NDST4: variants seen among roughly 807,000 people sequenced by gnomAD.
NDST4 encodes the protein N-heparan sulfate sulfotransferase 4.
Under a neutral mutation model 100.8 loss-of-function variants are expected in NDST4, and 63 were observed. The observed-to-expected ratio is 0.62, with a 90% confidence interval of 0.51 to 0.77. NDST4 has a LOEUF of 0.77. Ranked by LOEUF, NDST4 falls within the 30% of genes least tolerant of loss-of-function variation. The probability of loss-of-function intolerance (pLI) is 0.00; values close to 1 mark genes in which losing one functional copy is unlikely to be tolerated. For synonymous variants in NDST4, 377 were observed against 361.8 expected, an observed-to-expected ratio of 1.04 and a Z score of -0.48; for missense variants, 943 against 1,018.4, an observed-to-expected ratio of 0.93 and a Z score of 1.01.
At chr4:115,093,202 G>A (rs1729552129) in intron 1 of NDST4, among the ~76,000 whole-genome samples, 1 of 152,110 alleles carries the variant, frequency 6.6e-6, no homozygotes, top group African/African-American at 2.4e-5. Flanking sequence ...GAACATTAGA[G>A]CGGTGGCTCA....
At chr4:115,112,972 ATGC>A (rs1275659773) in intron 1 of NDST4, among the ~76,000 whole-genome samples, 2 of 151,966 alleles carry the variant, frequency 1.3e-5, no homozygotes, top group Non-Finnish European at 2.9e-5. Flanking sequence ...AGTACAGAGC[ATGC>A]CTATAAATCT....
At chr4:115,048,455 A>C (rs1728510931) in intron 2 of NDST4, among the ~76,000 whole-genome samples, 1 of 152,172 alleles carries the variant, frequency 6.6e-6, no homozygotes, top group Non-Finnish European at 1.5e-5. Flanking sequence ...AAAACATTTT[A>C]TGTTTACTAA....
chr4:115,013,892 C>G (rs114374930), intron 2 of NDST4, among the ~76,000 whole-genome samples: 1 of 151,982 alleles, frequency 6.6e-6, no homozygotes. Flanking sequence ...AGATTAGTTT[C>G]ACTATCAAGA....
intron 2 of NDST4, among the ~76,000 whole-genome samples, chr4:115,001,419 C>T (rs932710772): frequency 6.6e-6 from 1 of 151,922 alleles, no homozygotes; most frequent in African/African-American, 2.4e-5. Context: ...AGTTTCCCCA[C>T]CTAGACTATC....
chr4:115,014,981 C>T (rs556673051), intron 2 of NDST4, among the ~76,000 whole-genome samples: 2 of 152,130 alleles, frequency 1.3e-5, no homozygotes, highest in African/African-American at 4.8e-5. Flanking sequence ...AAAGTCTAAC[C>T]TGGATTATAA....
intron 2 of NDST4, among the ~76,000 whole-genome samples, chr4:115,060,263 A>G (rs1170638722): frequency 3.3e-5 from 5 of 151,674 alleles, no homozygotes. Context: ...AGGGTGAGCA[A>G]CTCTCAGCAG....
chr4:114,970,660 G>T, intron 3 of NDST4, 76 bp from the exon 4 acceptor site: 3 of 1,317,228 alleles, frequency 2.3e-6, no homozygotes, highest in South Asian at 1.5e-5. Flanking sequence ...TCAGATTTAT[G>T]TTAATTTTTC....
intron 2 of NDST4, among the ~76,000 whole-genome samples, chr4:115,042,650 T>C (rs10008694): frequency 6.6e-6 from 1 of 152,034 alleles, no homozygotes; most frequent in Non-Finnish European, 1.5e-5. Context: ...GTAGTATATA[T>C]AGAGAGAGTT....
chr4:114,848,429 T>C (rs921105248), intron 8 of NDST4, 91 bp from the exon 9 acceptor site: 3 of 997,790 alleles, frequency 3.0e-6, no homozygotes, highest in Non-Finnish European at 4.4e-6. Flanking sequence ...AATATTAAAA[T>C]AATCAACTAT....
chr4:114,902,976 T>C (rs1276020604), intron 6 of NDST4, among the ~76,000 whole-genome samples: 1 of 152,096 alleles, frequency 6.6e-6, no homozygotes. Flanking sequence ...TTACATTGCC[T>C]ATATGTTCTT....
At chr4:114,985,773 G>A (rs1051177860) in intron 2 of NDST4, among the ~76,000 whole-genome samples, 1 of 152,134 alleles carries the variant, frequency 6.6e-6, no homozygotes, top group African/African-American at 2.4e-5. Context: ...GAAACACAAA[G>A]TATCAGTATC....
intron 2 of NDST4, among the ~76,000 whole-genome samples, chr4:115,060,209 G>A (rs1233555639): frequency 2.0e-5 from 3 of 151,894 alleles, no homozygotes; most frequent in African/African-American, 4.8e-5. Flanking sequence ...AAGTTGCTAG[G>A]TATTTTCTTC....
intron 2 of NDST4, among the ~76,000 whole-genome samples, chr4:115,016,473 A>T (rs554109968): frequency 2.0e-5 from 3 of 152,228 alleles, no homozygotes; most frequent in African/African-American, 7.2e-5. Context: ...GCTGATCTAA[A>T]GGTTTTATCT....
At chr4:114,913,490 A>G (rs1425038203) in intron 6 of NDST4, among the ~76,000 whole-genome samples, 1 of 152,044 alleles carries the variant, frequency 6.6e-6, no homozygotes, top group Non-Finnish European at 1.5e-5. Flanking sequence ...CCTAATAGAG[A>G]TTATCTGCCT....
intron 1 of NDST4, among the ~76,000 whole-genome samples, chr4:115,085,729 GT>G (rs1268587932): frequency 6.6e-6 from 1 of 152,164 alleles, no homozygotes; most frequent in African/African-American, 2.4e-5. Context: ...ATGTGGAACT[GT>G]GAGTCAATTA....
chr4:114,985,003 AAC>A (rs1397354634), intron 2 of NDST4, among the ~76,000 whole-genome samples: 2 of 152,220 alleles, frequency 1.3e-5, no homozygotes, highest in Non-Finnish European at 2.9e-5. Flanking sequence ...ATTAACAAAA[AAC>A]TTATACCAAG....
intron 2 of NDST4, among the ~76,000 whole-genome samples, chr4:115,066,208 C>T (rs1034832443): frequency 6.6e-6 from 1 of 152,120 alleles, no homozygotes; most frequent in Non-Finnish European, 1.5e-5. Context: ...GACAGATTCA[C>T]AAAGGAAAAG....
chr4:114,984,144 ATTTATTTATT>A, intron 2 of NDST4, among the ~76,000 whole-genome samples: 1 of 9,818 alleles, frequency 1.0e-4, no homozygotes, highest in African/African-American at 1.8e-4. Flanking sequence ...AACTAATACT[ATTTATTTATT>A]TATTTATTTA....
chr4:114,939,355 C>T (rs1259124577), intron 4 of NDST4, among the ~76,000 whole-genome samples: 1 of 152,130 alleles, frequency 6.6e-6, no homozygotes. Flanking sequence ...GGGAATCAAC[C>T]TGTTATCCTC....
Sources: allele counts gnomAD v4.1 joint callset (sites outside exome capture counted in the v4.1 genomes callset), GRCh38; gene constraint gnomAD v4.1.1; transcripts MANE v1.5; gene names NCBI Gene and HGNC (gene_info 2026-07-23, HGNC 2026-07-21).